DZIP3: variants seen among roughly 807,000 people sequenced by gnomAD.
The protein encoded by DZIP3 is E3 ubiquitin-protein ligase DZIP3.
Under a neutral mutation model 162.0 loss-of-function variants are expected in DZIP3, and 118 were observed. The observed-to-expected ratio is 0.73, with a 90% CI of 0.63 to 0.85. DZIP3 has a LOEUF of 0.85. DZIP3 is among the 40% of genes least tolerant of loss of function. The pLI is 0.00. For synonymous variants in DZIP3, 438 were observed against 458.6 expected, an observed-to-expected ratio of 0.96 and a Z score of 0.57; for missense variants, 1,331 against 1,407.0, an observed-to-expected ratio of 0.95 and a Z score of 0.86.
rs544025738 is a variant in DZIP3, at chr3:108,686,539, A to G, written c.3104A>G (p.Glu1035Gly). 2.1e-5 allele frequency: 34 copies of G among 1,611,256 alleles called. No individual in the cohort carries two copies. In the Middle Eastern group the frequency reaches 5.0e-4, roughly 24 times the overall value. Residue 1035 changes from glutamate to glycine, a missense_variant, in exon 28 of 33, where the codon GAG (glutamate) becomes GGG (glycine). Transcript: ENST00000361582. ...LRSDPSIMNW[E>G]RITDRLKTAF... ...AGTGATCCCTCCATCATGAATTGGG[A>G]GAGAATTACAGACAGGCTGAAAACT...
Position 108,688,653 on chromosome 3 carries a change from C to G in DZIP3, c.3331C>G (p.Pro1111Ala). 1 of 1,614,154 alleles carries G rather than the reference C, an allele frequency of 6.2e-7. No individual in the cohort carries two copies. The highest frequency in any genetic ancestry group is 1.1e-5 in the South Asian group (1 of 91,082). The part of the protein sequence containing the change: ...CVSPSHSPSQ[P>A]DAAQPPKPAW... Reference sequence around the variant, plus strand: ...TTCACCTAGTCATTCTCCATCACAGCCTGATGCTGCCCAGCCCCCAAAACC... The same window carrying G: ...TTCACCTAGTCATTCTCCATCACAGGCTGATGCTGCCCAGCCCCCAAAACC... The change falls in exon 30 of 33, where the codon CCT (proline) becomes GCT (alanine). Residue 1111 changes from proline (P) to alanine (A), a missense_variant. By Grantham distance (27) the Pro-to-Ala change is conservative (BLOSUM62 -1). Coordinates refer to ENST00000361582, the MANE Select transcript of DZIP3 (RefSeq NM_014648.4).
At chr3:108,609,195 G>A (rs1940561057) in intron 3 of DZIP3, among the ~76,000 whole-genome samples, 1 of 152,130 alleles carries the variant, frequency 6.6e-6, no homozygotes, top group South Asian at 2.1e-4. Flanking sequence ...TGAGACTTGG[G>A]TAGGCACATG....
intron 1 of DZIP3, among the ~76,000 whole-genome samples, chr3:108,591,870 C>T (rs575010968): frequency 6.3e-4 from 95 of 151,558 alleles, no homozygotes; most frequent in African/African-American, 2.2e-3. Context: ...GGTGTGCTCA[C>T]TTGTAGTCCT....
intron 25 of DZIP3, among the ~76,000 whole-genome samples, chr3:108,677,171 G>C (rs1389783161): frequency 6.6e-6 from 1 of 151,706 alleles, no homozygotes; most frequent in Non-Finnish European, 1.5e-5. Flanking sequence ...TGAATCTTTA[G>C]TCTCTTTTTT....
intron 2 of DZIP3, among the ~76,000 whole-genome samples, chr3:108,605,726 C>T (rs1466824237): frequency 2.0e-5 from 3 of 152,144 alleles, no homozygotes; most frequent in African/African-American, 7.2e-5. Flanking sequence ...GCTGTGCAGC[C>T]CAGTTCTTAA....
chr3:108,619,321 TG>T (rs1941203579), intron 5 of DZIP3, among the ~76,000 whole-genome samples: 1 of 150,118 alleles, frequency 6.7e-6, no homozygotes, highest in African/African-American at 2.5e-5. Context: ...TGTGTGTGTG[TG>T]TGTTTTGTTT....
At chr3:108,606,940 T>G (rs1292772773) in intron 2 of DZIP3, among the ~76,000 whole-genome samples, 1 of 152,182 alleles carries the variant, frequency 6.6e-6, no homozygotes, top group African/African-American at 2.4e-5. Context: ...GATCATGAAA[T>G]GGAGTTTGCT....
At chr3:108,680,890 T>C (rs1944282779) in intron 26 of DZIP3, among the ~76,000 whole-genome samples, 1 of 152,300 alleles carries the variant, frequency 6.6e-6, no homozygotes, top group Admixed American at 6.5e-5. Context: ...TTGGGAAAAC[T>C]GGCTAGCCAT....
intron 3 of DZIP3, among the ~76,000 whole-genome samples, chr3:108,609,900 G>A (rs901820016): frequency 1.3e-5 from 2 of 152,184 alleles, no homozygotes; most frequent in Non-Finnish European, 2.9e-5. Flanking sequence ...TCTTGCCCAT[G>A]TATAAATTTG....
intron 5 of DZIP3, among the ~76,000 whole-genome samples, chr3:108,622,836 G>GTCTCTCTCTCTCTCTCTC: frequency 1.6e-5 from 1 of 62,840 alleles, no homozygotes; most frequent in East Asian, 4.8e-4. Flanking sequence ...AACAAACAGA[G>GTCTCTCTCTCTCTCTCTC]TCTCTCTCTC....
intron 1 of DZIP3, among the ~76,000 whole-genome samples, chr3:108,600,238 A>C (rs1003510968): frequency 4.6e-5 from 7 of 152,186 alleles, no homozygotes; most frequent in African/African-American, 1.7e-4. Flanking sequence ...TCTGGAGTAC[A>C]TTTAATTCAA....
At chr3:108,679,268 A>C (rs1179186920) in intron 26 of DZIP3, among the ~76,000 whole-genome samples, 1 of 152,126 alleles carries the variant, frequency 6.6e-6, no homozygotes, top group African/African-American at 2.4e-5. Context: ...GACCAGTATA[A>C]GCCTTGGCTG....
chr3:108,662,895 A>T (rs1347892035), intron 21 of DZIP3, among the ~76,000 whole-genome samples: 1 of 152,220 alleles, frequency 6.6e-6, no homozygotes, highest in Non-Finnish European at 1.5e-5. Context: ...TTATTTTAAT[A>T]AACAGTAATA....
chr3:108,660,337 T>C (rs976391079), intron 19 of DZIP3, among the ~76,000 whole-genome samples: 1 of 152,094 alleles, frequency 6.6e-6, no homozygotes, highest in Non-Finnish European at 1.5e-5. Context: ...TAATGCCACA[T>C]ATCTACAACT....
intron 19 of DZIP3, among the ~76,000 whole-genome samples, chr3:108,655,795 C>T (rs1943086724): frequency 6.6e-6 from 1 of 152,174 alleles, no homozygotes; most frequent in Admixed American, 6.5e-5. Context: ...GTCACTCCCA[C>T]CCTAATGCTG....
rs1364309695 is a variant in DZIP3 at position 108,598,196 on chromosome 3, AAT to A, written c.-72-7136_-72-7135del. Among the ~76,000 whole-genome samples the A allele has an allele frequency of 3.3e-5, 5 of 152,292 alleles. No homozygotes were observed. In the East Asian group the frequency reaches 9.6e-4, roughly 29 times the overall value. On this transcript the variant is annotated intron_variant, in intron 1 of 32. Transcript: ENST00000361582. ...TATACACTAAGCTTATATAAAATTA[AAT>A]ATGTTACTAGAAGTAATGGGACATG...
At chr3:108,607,350 A>G (rs987548987) in intron 2 of DZIP3, among the ~76,000 whole-genome samples, 1 of 152,236 alleles carries the variant, frequency 6.6e-6, no homozygotes, top group African/African-American at 2.4e-5. Flanking sequence ...TTTATAAAGT[A>G]CAATTCTGAA....
intron 4 of DZIP3, among the ~76,000 whole-genome samples, chr3:108,612,873 T>C (rs938944333): frequency 6.6e-6 from 1 of 152,128 alleles, no homozygotes; most frequent in African/African-American, 2.4e-5. Flanking sequence ...TGTACTTATT[T>C]ATAATGATAA....
chr3:108,657,906 A>G (rs1311871134), intron 19 of DZIP3, among the ~76,000 whole-genome samples: 1 of 152,170 alleles, frequency 6.6e-6, no homozygotes, highest in Non-Finnish European at 1.5e-5. Flanking sequence ...TCTTTACATA[A>G]TGGTAAAGGG....
Sources: gnomAD v4.1 joint callset for allele counts (sites outside exome capture counted in the v4.1 genomes callset) on GRCh38, gnomAD v4.1.1 for gene constraint, MANE v1.5 for transcripts, NCBI Gene and HGNC (gene_info 2026-07-23, HGNC 2026-07-21) for gene names.